Variants in DLG2 observed in about 807,000 individuals in gnomAD.
DLG2 encodes the protein disks large homolog 2.
DLG2 carries 45 observed loss-of-function variants against 132.5 expected under a neutral mutation model. That is an observed-to-expected ratio of 0.34 (90% confidence interval 0.27 to 0.44). DLG2 has a LOEUF of 0.44. Among genes scored for constraint, DLG2 ranks in the 20% least tolerant of loss-of-function variants. The pLI, the probability that DLG2 is intolerant of heterozygous loss-of-function variation, is 1.00. For synonymous variants in DLG2, 424 were observed against 419.6 expected (o/e 1.01, Z -0.13); for missense variants, 1,045 against 1,196.9 (o/e 0.87, Z 1.87).
chr11:85,413,142 T>C (rs747449376), intron 3 of DLG2, among the ~76,000 whole-genome samples: 1 of 152,054 alleles, frequency 6.6e-6, no homozygotes, highest in Non-Finnish European at 1.5e-5. Context: ...GACTTTTGAT[T>C]TGCATTTCCC....
intron 3 of DLG2, among the ~76,000 whole-genome samples, chr11:85,447,467 T>C (rs2092061852): frequency 6.6e-6 from 1 of 152,100 alleles, no homozygotes; most frequent in African/African-American, 2.4e-5. Context: ...AGGACACAGA[T>C]ACAGAAGGAA....
At chr11:83,730,146 G>GCTTT (rs775673275) in intron 18 of DLG2, among the ~76,000 whole-genome samples, 2 of 111,004 alleles carry the variant, frequency 1.8e-5, no homozygotes, top group African/African-American at 6.9e-5. Context: ...TTTTTTTATG[G>GCTTT]TTTTTTTTTT....
chr11:84,333,374 G>A (rs1189795503), intron 7 of DLG2, among the ~76,000 whole-genome samples: 3 of 152,168 alleles, frequency 2.0e-5, no homozygotes, highest in Admixed American at 6.5e-5. Context: ...CTAGGACCAC[G>A]TCAACCATTG....
intron 6 of DLG2, among the ~76,000 whole-genome samples, chr11:84,923,790 G>T (rs1566409193): frequency 6.6e-6 from 1 of 152,224 alleles, no homozygotes; most frequent in East Asian, 1.9e-4. Flanking sequence ...GGTTCCTCTG[G>T]GGTGATCTGT....
chr11:83,499,140 T>A (rs1431477464), intron 21 of DLG2, among the ~76,000 whole-genome samples: 1 of 152,124 alleles, frequency 6.6e-6, no homozygotes, highest in Non-Finnish European at 1.5e-5. Context: ...TAAAAAAGAA[T>A]GAAAGCCAAT....
chr11:84,155,852 C>A (rs981027592), intron 9 of DLG2, among the ~76,000 whole-genome samples: 8 of 151,892 alleles, frequency 5.3e-5, no homozygotes, highest in South Asian at 2.1e-4. Context: ...AAATAATATA[C>A]CAAGGAGTTT....
At chr11:85,503,150 C>G (rs964036618) in intron 3 of DLG2, among the ~76,000 whole-genome samples, 37 of 152,092 alleles carry the variant, frequency 2.4e-4, no homozygotes, top group Non-Finnish European at 4.4e-5. Flanking sequence ...GGGATACCTA[C>G]AGAGGTGATT....
At chr11:84,021,434 C>T (rs919331867) in intron 11 of DLG2, among the ~76,000 whole-genome samples, 8 of 152,256 alleles carry the variant, frequency 5.3e-5, no homozygotes, top group Non-Finnish European at 7.3e-5. Context: ...GACGAAAGAG[C>T]TGACCCTGGT....
chr11:85,255,711 T>C (rs938150408), intron 4 of DLG2, among the ~76,000 whole-genome samples: 1 of 152,180 alleles, frequency 6.6e-6, no homozygotes, highest in Non-Finnish European at 1.5e-5. Context: ...AATTATTATA[T>C]GTTTGGTCTT....
At chr11:83,684,974 C>T (rs1299569898) in intron 18 of DLG2, among the ~76,000 whole-genome samples, 1 of 152,118 alleles carries the variant, frequency 6.6e-6, no homozygotes. Flanking sequence ...TTATGTAGAA[C>T]CTTGAAGCTG....
intron 18 of DLG2, among the ~76,000 whole-genome samples, chr11:83,778,115 G>C (rs1246175316): frequency 1.3e-5 from 2 of 149,834 alleles, no homozygotes; most frequent in Admixed American, 1.3e-4. Context: ...AGAATATAGA[G>C]TGAAGTCAGA....
At chr11:83,927,413 C>T (rs12798677) in intron 15 of DLG2, among the ~76,000 whole-genome samples, 10,815 of 152,152 alleles carry the variant, frequency 0.071, 547 homozygotes, top group Non-Finnish European at 0.11. Flanking sequence ...TCTCTGAAGA[C>T]GTGCAATTTA....
intron 6 of DLG2, among the ~76,000 whole-genome samples, chr11:84,965,273 G>C (rs186614362): frequency 6.6e-6 from 1 of 151,890 alleles, no homozygotes; most frequent in East Asian, 1.9e-4. Flanking sequence ...CAGTGGCTGG[G>C]TTTTTGTGTG....
intron 14 of DLG2, among the ~76,000 whole-genome samples, chr11:83,940,564 T>C (rs2082419717): frequency 6.6e-6 from 1 of 152,196 alleles, no homozygotes; most frequent in Admixed American, 6.5e-5. Context: ...GAACCCAGAT[T>C]GTCTGGGTTC....
rs142877553 is a variant in DLG2, at chr11:83,973,131, A to C, written c.1056+7375T>G. Reference sequence around the variant, plus strand: ...ATTAATATTAATCACATGGATATTTATATTTCTATTTCCATTTTCATATGT... The same window carrying C: ...ATTAATATTAATCACATGGATATTTCTATTTCTATTTCCATTTTCATATGT... On this transcript the variant is annotated intron_variant, in intron 12 of 27. Transcript: ENST00000376104. Among the ~76,000 whole-genome samples the C allele has an allele frequency of 1.4e-4, 22 of 152,284 alleles. No homozygotes were observed. The East Asian group carries it at 4.2e-3, about 29-fold the overall frequency.
intron 11 of DLG2, among the ~76,000 whole-genome samples, chr11:84,001,444 A>T (rs958453455): frequency 2.0e-5 from 3 of 152,068 alleles, no homozygotes; most frequent in African/African-American, 7.2e-5. Flanking sequence ...GATCACCCAG[A>T]TTCATAATAC....
chr11:83,945,806 C>CTG (rs56913664), intron 14 of DLG2, among the ~76,000 whole-genome samples: 16,509 of 135,840 alleles, frequency 0.12, 951 homozygotes, highest in East Asian at 0.19. Context: ...AGAAATGCCT[C>CTG]TGTGTGTGTG....
At chr11:85,053,796 C>CAAAAAA (rs34604489) in intron 6 of DLG2, among the ~76,000 whole-genome samples, 1 of 45,802 alleles carries the variant, frequency 2.2e-5, no homozygotes, top group African/African-American at 1.0e-4. Context: ...GACTCTGTCT[C>CAAAAAA]AAAAAAAAAA....
chr11:85,233,959 T>A (rs1366147348), intron 4 of DLG2, among the ~76,000 whole-genome samples: 1 of 151,898 alleles, frequency 6.6e-6, no homozygotes, highest in Non-Finnish European at 1.5e-5. Context: ...GCAGAGAGGT[T>A]ACAATTATTA....
Sources: gnomAD v4.1 joint callset for allele counts (sites outside exome capture counted in the v4.1 genomes callset) on GRCh38, gnomAD v4.1.1 for gene constraint, MANE v1.5 for transcripts, NCBI Gene and HGNC (gene_info 2026-07-23, HGNC 2026-07-21) for gene names.